The following TAF4B variants were observed in gnomAD, a reference collection of about 807,000 sequenced individuals.
The protein encoded by TAF4B is TATA-box binding protein associated factor 4b.
TAF4B carries 38 observed loss-of-function variants against 86.4 expected under a neutral mutation model. The observed-to-expected ratio is 0.44, with a 90% CI of 0.34 to 0.58. TAF4B has a LOEUF of 0.58. Ranked by LOEUF, TAF4B falls within the 20% of genes least tolerant of loss-of-function variation. The pLI is 0.02. For synonymous variants in TAF4B, 388 were observed against 391.2 expected (o/e 0.99, Z 0.10); for missense variants, 988 against 1,027.6 (o/e 0.96, Z 0.53).
chr18:26,232,149 C>G (rs2055681204), intron 1 of TAF4B, among the ~76,000 whole-genome samples: 1 of 152,196 alleles, frequency 6.6e-6, no homozygotes, highest in South Asian at 2.1e-4. Context: ...TTACAATCCT[C>G]TCGTAAGACA....
intron 14 of TAF4B, among the ~76,000 whole-genome samples, chr18:26,371,333 G>A (rs1215752726): frequency 6.6e-6 from 1 of 152,158 alleles, no homozygotes; most frequent in Non-Finnish European, 1.5e-5. Flanking sequence ...AGAAGAGAAT[G>A]GAGGTAAAGA....
intron 8 of TAF4B, among the ~76,000 whole-genome samples, chr18:26,292,842 T>A (rs970334472): frequency 1.3e-5 from 2 of 152,158 alleles, no homozygotes; most frequent in Non-Finnish European, 2.9e-5. Context: ...CACATTTCTT[T>A]TTACATACAT....
At chr18:26,358,104 T>C (rs1422926469) in intron 14 of TAF4B, among the ~76,000 whole-genome samples, 1 of 152,226 alleles carries the variant, frequency 6.6e-6, no homozygotes, top group Admixed American at 6.5e-5. Flanking sequence ...AGTGTTTTTA[T>C]GCAGTCCTGT....
intron 14 of TAF4B, among the ~76,000 whole-genome samples, chr18:26,367,314 G>GA (rs1423156836): frequency 6.6e-6 from 1 of 152,220 alleles, no homozygotes; most frequent in Non-Finnish European, 1.5e-5. Context: ...AGAAACAGGG[G>GA]AGTCAATGGT....
chr18:26,247,498 G>A (rs1464031350), intron 1 of TAF4B, among the ~76,000 whole-genome samples: 2 of 152,028 alleles, frequency 1.3e-5, no homozygotes, highest in Non-Finnish European at 2.9e-5. Flanking sequence ...GATGCTTACT[G>A]TAGAAAATTT....
intron 1 of TAF4B, among the ~76,000 whole-genome samples, chr18:26,246,027 A>T (rs1045817239): frequency 5.3e-5 from 8 of 152,230 alleles, no homozygotes; most frequent in African/African-American, 1.2e-4. Context: ...GTTGGTTCAA[A>T]TGGTAATATT....
intron 14 of TAF4B, among the ~76,000 whole-genome samples, chr18:26,371,772 C>A (rs944578990): frequency 3.9e-5 from 6 of 152,084 alleles, no homozygotes; most frequent in Non-Finnish European, 8.8e-5. Context: ...CAACTAGTCC[C>A]CAAATTTAAG....
intron 7 of TAF4B, among the ~76,000 whole-genome samples, chr18:26,291,564 A>G (rs535142400): frequency 1.3e-5 from 2 of 151,842 alleles, no homozygotes; most frequent in African/African-American, 2.4e-5. Flanking sequence ...AAAATTAGCC[A>G]GGCCTGGTGG....
chr18:26,307,920 A>T (rs2056812497), intron 9 of TAF4B, among the ~76,000 whole-genome samples: 1 of 151,922 alleles, frequency 6.6e-6, no homozygotes, highest in African/African-American at 2.4e-5. Context: ...GACCAGCCTG[A>T]CCAACGTGGC....
intron 12 of TAF4B, among the ~76,000 whole-genome samples, chr18:26,330,605 T>G (rs1168503241): frequency 1.3e-5 from 2 of 152,202 alleles, no homozygotes; most frequent in African/African-American, 4.8e-5. Flanking sequence ...AATGTATATA[T>G]GGTATGTGTA....
In TAF4B at chr18:26,358,920, G is replaced by A. The variant is rs76086848; in HGVS notation, c.2421+1126G>A. Among the ~76,000 whole-genome samples, 1,502 of 152,128 alleles carry A rather than the reference G, an allele frequency of 9.9e-3. 13 individuals carry two copies. Among genetic ancestry groups the A allele is most frequent in the African/African-American group, 0.034 (1,396 of 41,496 alleles). On this transcript the variant is annotated intron_variant, in intron 14 of 14. Coordinates refer to ENST00000269142, the MANE Select transcript of TAF4B (RefSeq NM_005640.3). Reference sequence around the variant, plus strand: ...GAACATTGGTAGTTTCTAAATGAACGCCACTCACCTTAATAGATGAAAGAT... The same window carrying A: ...GAACATTGGTAGTTTCTAAATGAACACCACTCACCTTAATAGATGAAAGAT...
chr18:26,344,194 C>T (rs1323478556), intron 13 of TAF4B, among the ~76,000 whole-genome samples: 3 of 151,862 alleles, frequency 2.0e-5, no homozygotes, highest in Non-Finnish European at 2.9e-5. Flanking sequence ...GTCAGTTAAC[C>T]CAGTCAATAA....
chr18:26,356,595 A>T (rs532449587), intron 13 of TAF4B, among the ~76,000 whole-genome samples: 1 of 152,266 alleles, frequency 6.6e-6, no homozygotes, highest in East Asian at 1.9e-4. Context: ...GGGTTTCTCA[A>T]CAGGTTACTT....
At chr18:26,288,593 C>T (rs151008617) in intron 7 of TAF4B, among the ~76,000 whole-genome samples, 1,542 of 152,252 alleles carry the variant, frequency 0.01, 28 homozygotes, top group African/African-American at 0.036. Context: ...CAAGATCGCA[C>T]CACAGCACTA....
chr18:26,255,817 A>G, intron 1 of TAF4B: 5 of 1,448,994 alleles, frequency 3.5e-6, no homozygotes, highest in Non-Finnish European at 4.8e-6. Context: ...ACTTCCCCAA[A>G]ACGGCCTTTA....
At chr18:26,284,682 A>G (rs566028752) in intron 6 of TAF4B, among the ~76,000 whole-genome samples, 271 of 152,300 alleles carry the variant, frequency 1.8e-3, no homozygotes, top group Admixed American at 4.8e-3. Context: ...GATGGAGACC[A>G]GCCTGGCCAA....
chr18:26,294,053 A>G (rs189149264), intron 9 of TAF4B, among the ~76,000 whole-genome samples: 1 of 152,186 alleles, frequency 6.6e-6, no homozygotes, highest in East Asian at 1.9e-4. Context: ...ATTGATGGAC[A>G]TTTGGGTGGT....
chr18:26,264,747 C>T (rs1216548977), intron 1 of TAF4B, among the ~76,000 whole-genome samples: 2 of 152,134 alleles, frequency 1.3e-5, no homozygotes. Context: ...TTGACCAGCC[C>T]CACTTACTGA....
At chr18:26,352,188 G>A (rs1299445380) in intron 13 of TAF4B, among the ~76,000 whole-genome samples, 3 of 151,968 alleles carry the variant, frequency 2.0e-5, no homozygotes, top group Non-Finnish European at 2.9e-5. Flanking sequence ...TACATGAAGT[G>A]TAAATGATTC....
Sources: allele counts gnomAD v4.1 joint callset (sites outside exome capture counted in the v4.1 genomes callset), GRCh38; gene constraint gnomAD v4.1.1; transcripts MANE v1.5; gene names NCBI Gene and HGNC (gene_info 2026-07-23, HGNC 2026-07-21).